COL4A2: variants seen among roughly 807,000 people sequenced by gnomAD.
COL4A2 encodes the protein collagen alpha-2(IV) chain.
In COL4A2, 99 loss-of-function variants were observed where a neutral mutation model predicts 200.2. That is an observed-to-expected ratio of 0.49 (90% CI 0.42 to 0.58). The LOEUF is 0.58. Among genes scored for constraint, COL4A2 ranks in the 20% least tolerant of loss-of-function variants. The probability of loss-of-function intolerance (pLI) is 0.00; values close to 1 mark genes in which losing one functional copy is unlikely to be tolerated. For synonymous variants in COL4A2, 897 were observed against 900.6 expected (o/e 1.00, Z 0.07); for missense variants, 1,950 against 2,314.1 (o/e 0.84, Z 3.23).
intron 11 of COL4A2, 110 bp downstream of exon 11, chr13:110,432,470 A>G (rs920256380): frequency 5.3e-6 from 7 of 1,318,148 alleles, no homozygotes; most frequent in Non-Finnish European, 7.0e-6. Context: ...TATTGTTTAT[A>G]TTATGATGAA....
chr13:110,322,967 G>A (rs921929767), intron 3 of COL4A2, among the ~76,000 whole-genome samples: 9 of 152,248 alleles, frequency 5.9e-5, no homozygotes, highest in African/African-American at 2.2e-4. Context: ...GATGCCCAGA[G>A]GAGGCTAACA....
At chr13:110,478,705 C>T (rs1372963678) in intron 30 of COL4A2, among the ~76,000 whole-genome samples, 1 of 152,278 alleles carries the variant, frequency 6.6e-6, no homozygotes, top group South Asian at 2.1e-4. Flanking sequence ...AGTTCCCAGA[C>T]TCCTACACTT....
chr13:110,436,165 T>C lies in COL4A2; in HGVS notation c.727-104T>C, dbSNP rs776445115. ...ATAGGTATACATATGGTAAGTAATA[T>C]GCAAACATTAAAACTGCAGTATTTT... is the stretch of plus-strand genomic sequence containing the variant. On this transcript the variant is annotated intron_variant, in intron 12 of 47. Coordinates refer to ENST00000360467, the MANE Select transcript of COL4A2 (RefSeq NM_001846.4). 8 of 1,531,418 alleles carry C rather than the reference T, an allele frequency of 5.2e-6. No homozygotes were observed. In the African/African-American group the frequency reaches 8.2e-5, roughly 16 times the overall value. 94.9% of individuals were successfully genotyped at this position (1,531,418 alleles called of 1,614,324 possible). A position where few individuals can be genotyped will look rare whatever the true frequency, so the allele number is the denominator to read the frequency against.
Position 110,503,400 on chromosome 13 carries a change from G to A in COL4A2, c.4057G>A (p.Gly1353Ser), listed in dbSNP as rs752196986. Reference sequence around the variant, plus strand: ...TGTTGCAGGGCCCAGGGGTGAACAAGGCTTCATGGGGAACACTGGACCCAC... The same window carrying A: ...TGTTGCAGGGCCCAGGGGTGAACAAAGCTTCATGGGGAACACTGGACCCAC... ...PGEKGPRGEQGFMGNTGPTGA... is the reference protein window; with the variant it reads ...PGEKGPRGEQSFMGNTGPTGA... Residue 1353 changes from glycine to serine, a missense_variant, in exon 43 of 48, where the codon GGC becomes AGC. Coordinates refer to ENST00000360467, the MANE Select transcript of COL4A2 (RefSeq NM_001846.4). The A allele has an allele frequency of 6.3e-7, 1 of 1,598,658 alleles. No individual in the cohort carries two copies. The highest frequency in any genetic ancestry group is 8.5e-7 in the Non-Finnish European group (1 of 1,172,500).
In COL4A2 at chr13:110,484,917, A is replaced by T; in HGVS notation, c.2915A>T (p.Asp972Val). 1 of 1,610,686 alleles carries T rather than the reference A, an allele frequency of 6.2e-7. No individual in the cohort carries two copies. Among genetic ancestry groups the T allele is most frequent in the Non-Finnish European group, 8.5e-7 (1 of 1,177,982 alleles). The change falls in exon 33 of 48, where the codon GAC (aspartate) becomes GTC (valine). Residue 972 changes from aspartate (D) to valine (V), a missense_variant. By Grantham distance (152) the Asp-to-Val change is radical. Transcript: ENST00000360467. ...TATTCCCTTCCAGGCAGCCGAGGGG[A>T]CCCTGGGCCCCCAGGACCACCTCCT... ...GEPGFKGSRG[D>V]PGPPGPPPVI...
rs1342108057 is a variant in COL4A2, at chr13:110,357,488, A to C, written c.116A>C (p.Asp39Ala). ...QSVLAGVKKF[D>A]VPCGGRDCSG... ...TTGTTGCAGGGTGTGAAGAAGTTTG[A>C]TGTGCCGTGTGGAGGAAGAGATTGC... The change falls in exon 4 of 48, where the codon GAT becomes GCT. Residue 39 changes from aspartate to alanine, a missense_variant. Asp to Ala is a moderately radical substitution (Grantham distance 126, BLOSUM62 -2). Coordinates refer to ENST00000360467, the MANE Select transcript of COL4A2 (RefSeq NM_001846.4). The C allele has an allele frequency of 1.9e-6, 3 of 1,592,974 alleles. No homozygotes were observed. In the South Asian group the frequency reaches 3.4e-5, roughly 18 times the overall value.
At chr13:110,402,854 GCTCTTGC>G (rs1879422726) in intron 4 of COL4A2, among the ~76,000 whole-genome samples, 13 of 98,282 alleles carry the variant, frequency 1.3e-4, no homozygotes, top group Admixed American at 1.0e-3. Flanking sequence ...CATTCTCACA[GCTCTTGC>G]ACTCTGTGTG....
chr13:110,501,683 C>G lies in COL4A2; in HGVS notation c.3776C>G (p.Pro1259Arg). The G allele has an allele frequency of 2.5e-6, 4 of 1,613,934 alleles. No homozygotes were observed. The South Asian group carries it at 4.4e-5, about 18-fold the overall frequency. ...DQGAPGERGP[P>R]GSPGLQGFPG... The stretch of plus-strand genomic sequence containing the variant: ...TCATCCTAAGGGGAACGAGGCCCAC[C>G]TGGGAGCCCAGGACTTCAGGGGTTC... Residue 1259 changes from proline to arginine, a missense_variant, in exon 41 of 48, where the codon CCT (proline) becomes CGT (arginine). Physicochemically the swap from Pro to Arg is moderately radical, Grantham distance 103. This residue lies in a region of COL4A2 where 1,385 missense variants were observed against 1,720.5 expected (regional missense o/e 0.80). Transcript: ENST00000360467.
At chr13:110,364,463 G>A (rs191709177) in intron 4 of COL4A2, among the ~76,000 whole-genome samples, 2 of 152,278 alleles carry the variant, frequency 1.3e-5, no homozygotes, top group Admixed American at 1.3e-4. Flanking sequence ...GCGAGTGGAG[G>A]AGGGGCCAGA....
Position 110,307,605 on chromosome 13 carries a change from TGC to T in COL4A2, c.-45+78_-45+79del. 1.9e-6 allele frequency: 1 copy of T among 516,794 alleles called. No individual in the cohort carries two copies. Among genetic ancestry groups the T allele is most frequent in the East Asian group, 3.2e-5 (1 of 31,436 alleles). The allele number at this position is 516,794 out of a possible 1,614,324, so 32.0% of individuals were successfully genotyped here. The stretch of plus-strand genomic sequence containing the variant: ...TGGAGCGCCTTGTGCAGGCTAGGGC[TGC>T]ACGCTCTCCTGCTTGGGAGTAGAAA... On this transcript the variant is annotated intron_variant, in intron 1 of 47. Transcript: ENST00000360467. The surrounding 1 kb of genome is among the most constrained non-coding windows in gnomAD (Gnocchi z 5.0).
chr13:110,475,166 G>C (rs1282159003), intron 29 of COL4A2, among the ~76,000 whole-genome samples: 2 of 152,242 alleles, frequency 1.3e-5, no homozygotes, highest in African/African-American at 2.4e-5. Flanking sequence ...TACGAGGATG[G>C]GGAGGCCTCG....
intron 4 of COL4A2, among the ~76,000 whole-genome samples, chr13:110,401,987 A>T (rs989539061): frequency 6.6e-6 from 1 of 152,202 alleles, no homozygotes; most frequent in East Asian, 1.9e-4. Flanking sequence ...CCACCTCTCA[A>T]TACCAGCAGA....
chr13:110,402,929 G>C (rs2139432199), intron 4 of COL4A2, among the ~76,000 whole-genome samples: 1 of 152,342 alleles, frequency 6.6e-6, no homozygotes, highest in Non-Finnish European at 1.5e-5. Flanking sequence ...GTCCTCCAGA[G>C]AGACCATCTG....
chr13:110,420,359 C>T (rs978548291), intron 4 of COL4A2, among the ~76,000 whole-genome samples: 6 of 152,174 alleles, frequency 3.9e-5, no homozygotes, highest in Admixed American at 6.5e-5. Context: ...TTCAACGATA[C>T]TGTTCATTAT....
chr13:110,501,888 C>A (rs2139550210), intron 41 of COL4A2, 104 bp downstream of exon 41: 1 of 1,153,230 alleles, frequency 8.7e-7, no homozygotes, highest in Admixed American at 2.2e-5. Context: ...CCACGCTGTG[C>A]CCAGACTCCG....
intron 4 of COL4A2, among the ~76,000 whole-genome samples, chr13:110,375,646 A>G (rs1878205699): frequency 1.3e-5 from 2 of 152,330 alleles, no homozygotes; most frequent in Middle Eastern, 3.4e-3. Flanking sequence ...CCTAGCCAAC[A>G]TGGCGAAACC....
intron 21 of COL4A2, 83 bp from the exon 22 acceptor site, chr13:110,458,688 C>T: frequency 6.4e-7 from 1 of 1,559,684 alleles, no homozygotes; most frequent in Non-Finnish European, 8.8e-7. Context: ...TGCCACCCAG[C>T]TCTCCCCGCT....
chr13:110,333,717 C>A (rs1206469259), intron 3 of COL4A2, among the ~76,000 whole-genome samples: 1 of 152,178 alleles, frequency 6.6e-6, no homozygotes, highest in Non-Finnish European at 1.5e-5. Context: ...ACTGCCTCTG[C>A]GAGTCTGAAC....
At chr13:110,339,746 T>G (rs138180766) in intron 3 of COL4A2, among the ~76,000 whole-genome samples, 27 of 152,244 alleles carry the variant, frequency 1.8e-4, no homozygotes, top group African/African-American at 6.5e-4. Context: ...AGATGCTCAG[T>G]AAACTTGGTG....
Sources: gnomAD v4.1 joint callset for allele counts (sites outside exome capture counted in the v4.1 genomes callset) on GRCh38, gnomAD v4.1.1 for gene constraint, gnomAD v4.1.1 regional missense constraint, Gnocchi (gnomAD v3.1) non-coding constraint, MANE v1.5 for transcripts, NCBI Gene and HGNC (gene_info 2026-07-23, HGNC 2026-07-21) for gene names.